ATP8A2: variants seen among roughly 807,000 people sequenced by gnomAD.
The protein encoded by ATP8A2 is ATPase phospholipid transporting 8A2, also known as phospholipid-transporting ATPase IB.
A neutral mutation model predicts 165.6 loss-of-function variants in ATP8A2; 100 were observed. That is an observed-to-expected ratio of 0.60 (90% confidence interval 0.51 to 0.71). The LOEUF (loss-of-function observed/expected upper bound fraction) is 0.71. ATP8A2 is among the 30% of genes least tolerant of loss of function. The pLI, the probability that ATP8A2 is intolerant of heterozygous loss-of-function variation, is 0.00. For missense variants in ATP8A2, 1,227 were observed against 1,479.5 expected (o/e 0.83, Z 2.80); for synonymous variants, 543 against 548.8 (o/e 0.99, Z 0.15).
chr13:25,987,970 T>G (rs1249337235), intron 35 of ATP8A2, among the ~76,000 whole-genome samples: 1 of 152,252 alleles, frequency 6.6e-6, no homozygotes, highest in Non-Finnish European at 1.5e-5. Flanking sequence ...ATGGGATAGT[T>G]GATTTACTTT....
intron 35 of ATP8A2, among the ~76,000 whole-genome samples, chr13:25,977,461 C>G (rs1170887878): frequency 6.6e-6 from 1 of 152,108 alleles, no homozygotes; most frequent in Non-Finnish European, 1.5e-5. Flanking sequence ...ATGACCCAGC[C>G]GGGCTTCTGG....
intron 27 of ATP8A2, among the ~76,000 whole-genome samples, chr13:25,791,130 C>A (rs866936341): frequency 6.6e-6 from 1 of 152,132 alleles, no homozygotes; most frequent in African/African-American, 2.4e-5. Context: ...GGCATGGAAT[C>A]AACCCAAATG....
chr13:25,766,562 T>G (rs1014353552), intron 25 of ATP8A2, among the ~76,000 whole-genome samples: 1 of 152,146 alleles, frequency 6.6e-6, no homozygotes, highest in Non-Finnish European at 1.5e-5. Flanking sequence ...CACAAGGCAT[T>G]TGCTTTTTAT....
chr13:25,653,007 C>T (rs1352881183), intron 24 of ATP8A2, among the ~76,000 whole-genome samples: 1 of 152,218 alleles, frequency 6.6e-6, no homozygotes, highest in East Asian at 1.9e-4. Flanking sequence ...TCATCACAAT[C>T]TACATCTTCT....
At chr13:25,924,959 G>A (rs558644305) in intron 33 of ATP8A2, among the ~76,000 whole-genome samples, 16 of 152,198 alleles carry the variant, frequency 1.1e-4, no homozygotes, top group Non-Finnish European at 2.2e-4. Context: ...CCTCAGCCAT[G>A]CGTAACTGTG....
Position 25,467,556 on chromosome 13 carries a change from G to GTT in ATP8A2, c.77-1407_77-1406dup, listed in dbSNP as rs543308826. Among the ~76,000 whole-genome samples the GTT allele has an allele frequency of 1.1e-3, 154 of 143,566 alleles. 3 individuals carry two copies. Among genetic ancestry groups the GTT allele is most frequent in the Non-Finnish European group, 1.5e-3 (97 of 65,296 alleles). 94.2% of individuals were successfully genotyped at this position (143,566 alleles called of 152,430 possible). A position where few individuals can be genotyped will look rare whatever the true frequency, so the allele number is the denominator to read the frequency against. ...GAAGGTTTACTTGCGTAAGATGTCA[G>GTT]TTTTTTTTTTTTTTTGAGACGAGTC... is the stretch of plus-strand genomic sequence containing the variant. On this transcript the variant is annotated intron_variant, in intron 1 of 36. Transcript: ENST00000381655.
At chr13:25,692,240 T>A (rs1566052466) in intron 24 of ATP8A2, among the ~76,000 whole-genome samples, 1 of 151,988 alleles carries the variant, frequency 6.6e-6, no homozygotes, top group African/African-American at 2.4e-5. Flanking sequence ...GAGAAGGGAG[T>A]CTGCTCTGGA....
intron 2 of ATP8A2, among the ~76,000 whole-genome samples, chr13:25,484,567 T>C (rs1263109616): frequency 6.6e-6 from 1 of 152,114 alleles, no homozygotes; most frequent in African/African-American, 2.4e-5. Flanking sequence ...CAGGCTGGAG[T>C]GCAGTGGCGT....
chr13:25,691,750 A>G (rs1257722434), intron 24 of ATP8A2, among the ~76,000 whole-genome samples: 1 of 152,226 alleles, frequency 6.6e-6, no homozygotes, highest in African/African-American at 2.4e-5. Flanking sequence ...ATATTCCTAG[A>G]TTGGAAGAAG....
At chr13:25,394,436 A>G (rs1396924001) in intron 1 of ATP8A2, among the ~76,000 whole-genome samples, 1 of 152,236 alleles carries the variant, frequency 6.6e-6, no homozygotes, top group African/African-American at 2.4e-5. Flanking sequence ...GCAAACTGAA[A>G]ACCAAGACAA....
chr13:25,665,898 T>C (rs1266378153), intron 24 of ATP8A2, among the ~76,000 whole-genome samples: 1 of 149,268 alleles, frequency 6.7e-6, no homozygotes, highest in Non-Finnish European at 1.5e-5. Context: ...ATAAAATATG[T>C]TCATAATATA....
intron 24 of ATP8A2, among the ~76,000 whole-genome samples, chr13:25,601,415 G>A (rs928587824): frequency 6.6e-6 from 1 of 152,228 alleles, no homozygotes. Flanking sequence ...TGGGTTTAGA[G>A]AGACCACTTT....
intron 33 of ATP8A2, among the ~76,000 whole-genome samples, chr13:25,955,583 T>A (rs957304089): frequency 2.6e-5 from 4 of 152,010 alleles, no homozygotes; most frequent in African/African-American, 9.7e-5. Flanking sequence ...TGGGAAGAAG[T>A]CAAATCCCTG....
intron 35 of ATP8A2, among the ~76,000 whole-genome samples, chr13:25,993,820 T>C (rs1335023618): frequency 6.6e-6 from 1 of 152,232 alleles, no homozygotes; most frequent in African/African-American, 2.4e-5. Flanking sequence ...TTAACAATTG[T>C]TCTTTTACCT....
chr13:25,724,713 C>T (rs1228646266), intron 25 of ATP8A2, among the ~76,000 whole-genome samples: 1 of 152,102 alleles, frequency 6.6e-6, no homozygotes, highest in Non-Finnish European at 1.5e-5. Context: ...AGAAATAAAT[C>T]CCTTCCAGTA....
chr13:25,636,315 G>T (rs894386512), intron 24 of ATP8A2, among the ~76,000 whole-genome samples: 1 of 152,068 alleles, frequency 6.6e-6, no homozygotes, highest in African/African-American at 2.4e-5. Context: ...TGAGTTGACA[G>T]ATTGTTATAT....
chr13:25,681,127 T>TG, intron 24 of ATP8A2, among the ~76,000 whole-genome samples: 1 of 152,284 alleles, frequency 6.6e-6, no homozygotes, highest in East Asian at 1.9e-4. Flanking sequence ...TTGAAGGGTT[T>TG]GGGGAACTGT....
chr13:25,452,016 G>A (rs2035240844), intron 1 of ATP8A2, among the ~76,000 whole-genome samples: 2 of 151,866 alleles, frequency 1.3e-5, no homozygotes, highest in African/African-American at 4.8e-5. Context: ...CACCACACCT[G>A]GTTATTTTTT....
intron 33 of ATP8A2, among the ~76,000 whole-genome samples, chr13:25,900,230 G>T (rs779477395): frequency 3.4e-4 from 51 of 152,124 alleles, no homozygotes; most frequent in Non-Finnish European, 6.3e-4. Context: ...ATTTATGAGA[G>T]GAGAAACATG....
Sources: allele counts gnomAD v4.1 joint callset (sites outside exome capture counted in the v4.1 genomes callset), GRCh38; gene constraint gnomAD v4.1.1; transcripts MANE v1.5; gene names NCBI Gene and HGNC (gene_info 2026-07-23, HGNC 2026-07-21).